XIRP2: variants seen among roughly 807,000 people sequenced by gnomAD.
XIRP2 encodes xin actin-binding repeat-containing protein 2.
Under a neutral mutation model 277.0 loss-of-function variants are expected in XIRP2, and 236 were observed. That is an observed-to-expected ratio of 0.85 (90% CI 0.77 to 0.95). XIRP2 has a LOEUF of 0.95. Ranked by LOEUF, XIRP2 falls within the 40% of genes least tolerant of loss-of-function variation. XIRP2 has a pLI of 0.00. For synonymous variants in XIRP2, 1,490 were observed against 1,416.5 expected (o/e 1.05, Z -1.17); for missense variants, 4,640 against 4,157.5 (o/e 1.12, Z -3.19).
intron 5 of XIRP2, among the ~76,000 whole-genome samples, chr2:167,238,886 C>T (rs966607584): frequency 1.3e-5 from 2 of 152,110 alleles, no homozygotes; most frequent in African/African-American, 4.8e-5. Flanking sequence ...ATCAATCAAT[C>T]AATCAATCAA....
intron 2 of XIRP2, among the ~76,000 whole-genome samples, chr2:167,091,235 G>T (rs79601905): frequency 6.6e-6 from 1 of 151,898 alleles, no homozygotes; most frequent in Admixed American, 6.6e-5. Flanking sequence ...GTGACTTGAT[G>T]TCTTTATTGG....
At chr2:166,937,623 G>T (rs1348574672) in intron 2 of XIRP2, among the ~76,000 whole-genome samples, 2 of 152,144 alleles carry the variant, frequency 1.3e-5, no homozygotes, top group African/African-American at 2.4e-5. Context: ...ATGAGTTAGG[G>T]AGGATTCCCT....
intron 3 of XIRP2, among the ~76,000 whole-genome samples, chr2:167,151,404 A>G (rs1181622612): frequency 6.6e-6 from 1 of 152,154 alleles, no homozygotes; most frequent in Non-Finnish European, 1.5e-5. Context: ...CATCACCACT[A>G]CACAACATAT....
intron 5 of XIRP2, among the ~76,000 whole-genome samples, chr2:167,234,980 T>C (rs72884675): frequency 0.017 from 2,643 of 151,716 alleles, 41 homozygotes; most frequent in Non-Finnish European, 0.026. Context: ...TAGAAACGAG[T>C]TTGTTTAGCA....
At chr2:167,212,323 A>G (rs1694071412) in intron 4 of XIRP2, among the ~76,000 whole-genome samples, 1 of 152,214 alleles carries the variant, frequency 6.6e-6, no homozygotes, top group African/African-American at 2.4e-5. Context: ...GTTGATTTTG[A>G]AAATGCCTAA....
At chr2:167,054,568 C>T (rs910315402) in intron 2 of XIRP2, among the ~76,000 whole-genome samples, 1 of 152,036 alleles carries the variant, frequency 6.6e-6, no homozygotes, top group Non-Finnish European at 1.5e-5. Context: ...CCTGTAATCC[C>T]AGCTGCTCTG....
chr2:166,907,601 A>G (rs2105341060), intron 2 of XIRP2, among the ~76,000 whole-genome samples: 1 of 150,822 alleles, frequency 6.6e-6, no homozygotes, highest in East Asian at 1.9e-4. Flanking sequence ...ATGTATGGAC[A>G]GGTCATAGAA....
At chr2:167,181,655 T>A (rs1001995229) in intron 3 of XIRP2, among the ~76,000 whole-genome samples, 1 of 152,212 alleles carries the variant, frequency 6.6e-6, no homozygotes, top group South Asian at 2.1e-4. Flanking sequence ...CAAATATCAT[T>A]GATTCTCTAT....
chr2:167,172,518 C>T (rs1484194766), intron 3 of XIRP2, among the ~76,000 whole-genome samples: 1 of 152,148 alleles, frequency 6.6e-6, no homozygotes, highest in African/African-American at 2.4e-5. Context: ...CATCCCTTAT[C>T]CACAACTATA....
At chr2:167,029,238 T>A (rs1688258163) in intron 2 of XIRP2, among the ~76,000 whole-genome samples, 1 of 152,010 alleles carries the variant, frequency 6.6e-6, no homozygotes, top group Non-Finnish European at 1.5e-5. Context: ...GAAATTCCAA[T>A]ACTATGTTTA....
chr2:166,908,153 T>C (rs919048864), intron 2 of XIRP2, among the ~76,000 whole-genome samples: 2 of 152,200 alleles, frequency 1.3e-5, no homozygotes, highest in African/African-American at 4.8e-5. Flanking sequence ...CTGGGTTAAA[T>C]GGTATGTCTA....
Position 167,258,558 on chromosome 2 carries a change from A to C in XIRP2, c.*741A>C. 1.2e-6 allele frequency: 2 copies of C among 1,613,164 alleles called. No individual in the cohort carries two copies. The highest frequency in any genetic ancestry group is 1.7e-6 in the Non-Finnish European group (2 of 1,179,550). On this transcript the variant is annotated 3_prime_UTR_variant, in exon 11 of 11. Coordinates refer to ENST00000409195, the MANE Select transcript of XIRP2 (RefSeq NM_152381.6). The stretch of plus-strand genomic sequence containing the variant: ...AATGTGATTGTGCAGAGTGCTGAAA[A>C]GGAGAAAAATGAAAAAACTAACCAA...
intron 2 of XIRP2, among the ~76,000 whole-genome samples, chr2:167,109,381 A>G (rs915657329): frequency 2.0e-5 from 3 of 152,042 alleles, no homozygotes; most frequent in African/African-American, 4.8e-5. Flanking sequence ...CCAGGGTTCA[A>G]GTGATCCTCC....
At chr2:166,944,400 T>G (rs1685799150) in intron 2 of XIRP2, among the ~76,000 whole-genome samples, 1 of 152,218 alleles carries the variant, frequency 6.6e-6, no homozygotes, top group Admixed American at 6.5e-5. Flanking sequence ...TAAAAATATG[T>G]GCTTCATGTC....
At chr2:166,913,723 G>A (rs1256994525) in intron 2 of XIRP2, among the ~76,000 whole-genome samples, 1 of 152,168 alleles carries the variant, frequency 6.6e-6, no homozygotes, top group East Asian at 1.9e-4. Flanking sequence ...CATTTGCAAA[G>A]GGAAATAGAT....
At chr2:166,934,868 A>T (rs932494798) in intron 2 of XIRP2, among the ~76,000 whole-genome samples, 103 of 129,790 alleles carry the variant, frequency 7.9e-4, no homozygotes, top group African/African-American at 1.8e-3. Flanking sequence ...AAATTTTTTA[A>T]AAAAGAAAAA....
intron 5 of XIRP2, among the ~76,000 whole-genome samples, chr2:167,223,332 A>G (rs1214374680): frequency 6.6e-6 from 1 of 152,188 alleles, no homozygotes; most frequent in Non-Finnish European, 1.5e-5. Context: ...CACTGAATCT[A>G]TATCAAGAAG....
intron 2 of XIRP2, among the ~76,000 whole-genome samples, chr2:167,071,090 C>T (rs1156754095): frequency 6.6e-6 from 1 of 152,118 alleles, no homozygotes; most frequent in East Asian, 1.9e-4. Context: ...TATCTCAATC[C>T]CAAAGCCCGT....
chr2:167,242,293 G>A (rs904319376), intron 8 of XIRP2, among the ~76,000 whole-genome samples: 6 of 151,974 alleles, frequency 3.9e-5, no homozygotes, highest in Non-Finnish European at 5.9e-5. Flanking sequence ...CCACATTAAG[G>A]GAAAAAGAAT....
Sources: gnomAD v4.1 joint callset for allele counts (sites outside exome capture counted in the v4.1 genomes callset) on GRCh38, gnomAD v4.1.1 for gene constraint, MANE v1.5 for transcripts, NCBI Gene and HGNC (gene_info 2026-07-23, HGNC 2026-07-21) for gene names.